TCF20: variants seen among roughly 807,000 people sequenced by gnomAD.
TCF20 encodes the protein transcription factor 20.
A neutral mutation model predicts 148.6 loss-of-function variants in TCF20; 3 were observed. The observed-to-expected ratio is 0.02, with a 90% CI of 0.01 to 0.05. TCF20 has a LOEUF of 0.05. TCF20 is among the 10% of genes least tolerant of loss of function. The probability of loss-of-function intolerance (pLI) is 1.00; values close to 1 mark genes in which losing one functional copy is unlikely to be tolerated. For synonymous variants in TCF20, 1,049 were observed against 909.5 expected (o/e 1.15, Z -2.76); for missense variants, 2,350 against 2,429.3 (o/e 0.97, Z 0.69).
intron 1 of TCF20, among the ~76,000 whole-genome samples, chr22:42,296,234 C>T (rs529462822): frequency 6.6e-6 from 1 of 152,316 alleles, no homozygotes; most frequent in South Asian, 2.1e-4. Flanking sequence ...CAGGCCTCAG[C>T]GAACGGGATG....
intron 1 of TCF20, among the ~76,000 whole-genome samples, chr22:42,310,617 C>T (rs184480266): frequency 1.3e-4 from 20 of 150,422 alleles, no homozygotes; most frequent in African/African-American, 5.0e-4. Context: ...AGTGGCAGCC[C>T]GCATGGCTGG....
chr22:42,197,949 T>G (rs1937689908), intron 2 of TCF20, among the ~76,000 whole-genome samples: 1 of 152,166 alleles, frequency 6.6e-6, no homozygotes, highest in Non-Finnish European at 1.5e-5. Flanking sequence ...CTTTGTTGAT[T>G]AAACCACAAG....
At chr22:42,285,205 C>T (rs1927005313), upstream of TCF20, among the ~76,000 whole-genome samples, 1 of 152,138 alleles carries the variant, frequency 6.6e-6, no homozygotes, top group South Asian at 2.1e-4. This position sits in a 1 kb window ranked among gnomAD's most constrained non-coding sequence, Gnocchi z 4.2. Flanking sequence ...CCACTGGCTG[C>T]CCCAAACTTG....
At chr22:42,341,062 C>T (rs1311089426) in intron 1 of TCF20, among the ~76,000 whole-genome samples, 2 of 152,150 alleles carry the variant, frequency 1.3e-5, no homozygotes, top group South Asian at 2.1e-4. Flanking sequence ...AAGCGCGCGC[C>T]GGCTGCCAGG....
intron 5 of TCF20, among the ~76,000 whole-genome samples, chr22:42,164,719 A>AG (rs1329118128): frequency 1.3e-5 from 2 of 152,186 alleles, no homozygotes; most frequent in African/African-American, 2.4e-5. Flanking sequence ...GCAAGCGAGG[A>AG]GGGGGGCAAT....
chr22:42,297,004 ACT>A lies in TCF20; in HGVS notation c.-37+46473_-37+46474del, dbSNP rs960802472. The stretch of plus-strand genomic sequence containing the variant: ...AAAGGAAGGTGCTATAGTTAAACCC[ACT>A]CTACAGATGTGGCAACTGAGTTCAG... On this transcript the variant is annotated intron_variant, in intron 1 of 1. Coordinates refer to the TCF20 transcript ENST00000515426. The surrounding 1 kb of genome is among the most constrained non-coding windows in gnomAD (Gnocchi z 4.3). 6.6e-5 allele frequency among the ~76,000 whole-genome samples: 10 copies of A among 152,210 alleles called. No individual in the cohort carries two copies. Among genetic ancestry groups the A allele is most frequent in the African/African-American group, 2.2e-4 (9 of 41,518 alleles).
chr22:42,191,214 G>GT (rs1462112225), intron 2 of TCF20, among the ~76,000 whole-genome samples: 1 of 152,148 alleles, frequency 6.6e-6, no homozygotes, highest in East Asian at 1.9e-4. Flanking sequence ...TCATAACTCA[G>GT]AAGGCCAACA....
intron 1 of TCF20, among the ~76,000 whole-genome samples, chr22:42,319,539 C>T (rs1247243850): frequency 5.9e-5 from 9 of 152,338 alleles, no homozygotes; most frequent in Non-Finnish European, 1.3e-4. Flanking sequence ...TCAATTCCCT[C>T]CCAGTAAAAT....
At chr22:42,217,852 C>A (rs1921964870) in intron 1 of TCF20, among the ~76,000 whole-genome samples, 1 of 152,148 alleles carries the variant, frequency 6.6e-6, no homozygotes, top group Non-Finnish European at 1.5e-5. Flanking sequence ...TGGCCAGTAA[C>A]CCCAAATTCT....
intron 2 of TCF20, among the ~76,000 whole-genome samples, chr22:42,205,476 C>G (rs1938323025): frequency 6.6e-6 from 1 of 152,010 alleles, no homozygotes; most frequent in African/African-American, 2.4e-5. Flanking sequence ...CAAAATGGAT[C>G]TCTAATGAAA....
intron 1 of TCF20, among the ~76,000 whole-genome samples, chr22:42,319,639 C>T (rs1009386878): frequency 1.3e-5 from 2 of 152,224 alleles, no homozygotes; most frequent in Non-Finnish European, 2.9e-5. Context: ...AACTTTGCAA[C>T]CATGATTCCT....
intron 3 of TCF20, among the ~76,000 whole-genome samples, chr22:42,174,384 T>C (rs1446173156): frequency 3.3e-5 from 5 of 152,168 alleles, no homozygotes; most frequent in Non-Finnish European, 4.4e-5. Context: ...GAAGGCAGGC[T>C]ATCAGCAGAA....
At chr22:42,302,033 G>A (rs1305920453) in intron 1 of TCF20, among the ~76,000 whole-genome samples, 1 of 152,174 alleles carries the variant, frequency 6.6e-6, no homozygotes, top group East Asian at 1.9e-4. Flanking sequence ...CCCCCTGATG[G>A]GTCTGCATGG....
At chr22:42,215,707 G>A (rs997705870) in intron 1 of TCF20, among the ~76,000 whole-genome samples, 5 of 152,038 alleles carry the variant, frequency 3.3e-5, no homozygotes, top group Non-Finnish European at 5.9e-5. Context: ...TCCTGACCTC[G>A]TGATCCGCCC....
intron 1 of TCF20, among the ~76,000 whole-genome samples, chr22:42,249,188 C>T (rs539536565): frequency 1.3e-5 from 2 of 152,296 alleles, no homozygotes; most frequent in East Asian, 3.9e-4. Context: ...GGCTTTTTGA[C>T]CTTGGACCGA....
At position 42,211,636 on chromosome 22, in the gene TCF20, C is replaced by T. The variant is rs766831307; in HGVS notation, c.3670G>A (p.Ala1224Thr). ...GGTTTGGATGACTGTGTAGCCTCAGCTAGTCCATGTCCATCAGTCTCATGG... is the reference window on the plus strand; with the variant it reads ...GGTTTGGATGACTGTGTAGCCTCAGTTAGTCCATGTCCATCAGTCTCATGG... Reference protein sequence around the residue: ...PPHETDGHGLAEATQSSKPGS... With the variant: ...PPHETDGHGLTEATQSSKPGS... Residue 1224 changes from alanine (A) to threonine (T), a missense_variant, in exon 2 of 6, where the codon GCT becomes ACT. Ala to Thr is a moderately conservative substitution (Grantham distance 58, BLOSUM62 0). Around this residue, in one of 7 missense-constraint regions of TCF20, gnomAD observed 1,641 missense variants for 1,662.6 expected, o/e 0.99. Coordinates refer to ENST00000677622, the MANE Select transcript of TCF20 (RefSeq NM_001378418.1). 5 of 1,614,216 alleles carry T rather than the reference C, an allele frequency of 3.1e-6. 1 individual carries two copies. In the South Asian group the frequency reaches 3.3e-5, roughly 11 times the overall value.
chr22:42,203,994 T>C (rs1376874903), intron 2 of TCF20, among the ~76,000 whole-genome samples: 1 of 152,214 alleles, frequency 6.6e-6, no homozygotes, highest in Non-Finnish European at 1.5e-5. Context: ...GTGGCTCTAT[T>C]TTACAGTTAA....
Position 42,299,849 on chromosome 22 carries a change from G to GGGGAGGA in TCF20, c.-37+43623_-37+43629dup, listed in dbSNP as rs1286056490. Among the ~76,000 whole-genome samples, 2 of 151,458 alleles carry GGGGAGGA rather than the reference G, an allele frequency of 1.3e-5. No homozygotes were observed. Among genetic ancestry groups the GGGGAGGA allele is most frequent in the Non-Finnish European group, 2.9e-5 (2 of 67,842 alleles). Reference sequence around the variant, plus strand: ...GAGAGAAGGGGGAGAAGGAAGCGGAGGGGAGGAGGGAGGAGGGAAAAGACA... The same window carrying GGGGAGGA: ...GAGAGAAGGGGGAGAAGGAAGCGGAGGGGAGGAGGGAGGAGGGAGGAGGGAAAAGACA... On this transcript the variant is annotated intron_variant, in intron 1 of 1. Transcript: ENST00000515426. The surrounding 1 kb of genome is among the most constrained non-coding windows in gnomAD (Gnocchi z 4.1).
chr22:42,240,368 A>G (rs533118010), intron 1 of TCF20, among the ~76,000 whole-genome samples: 3 of 152,326 alleles, frequency 2.0e-5, no homozygotes, highest in Admixed American at 6.5e-5. Flanking sequence ...AGACATAAAC[A>G]ATAATACAGT....
Sources: gnomAD v4.1 joint callset for allele counts (sites outside exome capture counted in the v4.1 genomes callset) on GRCh38, gnomAD v4.1.1 for gene constraint, gnomAD v4.1.1 regional missense constraint, Gnocchi (gnomAD v3.1) non-coding constraint, MANE v1.5 for transcripts, NCBI Gene and HGNC (gene_info 2026-07-23, HGNC 2026-07-21) for gene names.